TKTL1: variants seen among roughly 807,000 people sequenced by gnomAD.
The protein encoded by TKTL1 is transketolase like 1, also known as transketolase-like protein 1.
In TKTL1, 1 loss-of-function variant was observed where a neutral mutation model predicts 39.3. The ratio of observed to expected loss-of-function variants is 0.03; its 90% CI spans 0.01 to 0.12. The LOEUF (loss-of-function observed/expected upper bound fraction) is 0.12, where lower values mean the gene tolerates loss of function less well. Ranked by LOEUF, TKTL1 falls within the 10% of genes least tolerant of loss-of-function variation. The probability of loss-of-function intolerance (pLI) is 1.00; values close to 1 mark genes in which losing one functional copy is unlikely to be tolerated. For synonymous variants in TKTL1, 262 were observed against 193.8 expected, an observed-to-expected ratio of 1.35 and a Z score of -2.92; for missense variants, 575 against 509.6, an observed-to-expected ratio of 1.13 and a Z score of -1.24.
chrX:154,322,137 A>T (rs782254248), intron 8 of TKTL1, among the ~76,000 whole-genome samples: 1 of 106,133 alleles, frequency 9.4e-6, no homozygotes, highest in East Asian at 2.9e-4. Flanking sequence ...GGACGCTGAG[A>T]CAGGAGAATT....
chrX:154,317,919 A>T (rs1557169694), intron 7 of TKTL1, among the ~76,000 whole-genome samples: 1 of 110,983 alleles, frequency 9.0e-6, no homozygotes, highest in African/African-American at 3.3e-5. Context: ...GGGTTGGGGC[A>T]CCTGTTAGAT....
intron 8 of TKTL1, among the ~76,000 whole-genome samples, chrX:154,322,613 G>C (rs1431779365): frequency 9.0e-6 from 1 of 111,613 alleles, no homozygotes; most frequent in East Asian, 2.8e-4. Flanking sequence ...AGTGTGCATG[G>C]TGACAATCCC....
intron 2 of TKTL1, 32 bp from the exon 3 acceptor site, chrX:154,309,313 C>T (rs782765182): frequency 7.9e-6 from 9 of 1,140,031 alleles, no homozygotes; most frequent in Admixed American, 4.4e-5. Flanking sequence ...CCTGCAGCTG[C>T]GTCTGGGCTC....
intron 1 of TKTL1, among the ~76,000 whole-genome samples, chrX:154,296,411 G>A (rs1028804657): frequency 9.0e-6 from 1 of 111,155 alleles, no homozygotes; most frequent in Non-Finnish European, 1.9e-5. Context: ...CTGGATCCCC[G>A]AGGGTGAATG....
At position 154,329,766 on chromosome X, in the gene TKTL1, C is replaced by T. The variant is rs2067523439; in HGVS notation, c.*78C>T. The T allele has an allele frequency of 9.1e-7, 1 of 1,100,942 alleles. No homozygotes were observed. Among genetic ancestry groups the T allele is most frequent in the Admixed American group, 2.5e-5 (1 of 40,714 alleles). The allele number at this position is 1,100,942 out of a possible 1,213,427, so 90.7% of individuals were successfully genotyped here. On this transcript the variant is annotated 3_prime_UTR_variant, in exon 13 of 13. Coordinates refer to ENST00000369915, the MANE Select transcript of TKTL1 (RefSeq NM_012253.4). Reference sequence around the variant, plus strand: ...TCCAAAACCATCATTTAAATCTCTACTGTCACATTTTGTTTCTTAAAAGCA... The same window carrying T: ...TCCAAAACCATCATTTAAATCTCTATTGTCACATTTTGTTTCTTAAAAGCA...
chrX:154,320,940 G>C (rs782513476), intron 8 of TKTL1, 27 bp downstream of exon 8: 4 of 1,197,702 alleles, frequency 3.3e-6, no homozygotes, highest in Non-Finnish European at 1.1e-6. Context: ...CCATCATCTT[G>C]GTAGCCTTCC....
intron 2 of TKTL1, among the ~76,000 whole-genome samples, chrX:154,307,032 A>T (rs1302701948): frequency 9.6e-6 from 1 of 103,921 alleles, no homozygotes; most frequent in Non-Finnish European, 1.9e-5. Context: ...ACAGTGGCTC[A>T]CACCAGTGCT....
chrX:154,309,552 G>A, intron 3 of TKTL1, 110 bp downstream of exon 3: 1 of 658,113 alleles, frequency 1.5e-6, no homozygotes, highest in Non-Finnish European at 2.4e-6. Context: ...TGAAGGGCCA[G>A]TCCCCATCAC....
rs73640845 is a variant in TKTL1 at position 154,305,168 on chromosome X, C to T, written c.135-136C>T. The T allele has an allele frequency of 1.2e-5, 14 of 1,179,891 alleles. No individual in the cohort carries two copies. The East Asian group carries it at 3.6e-4, about 31-fold the overall frequency. ...AAAGCGCCCTTCCAACCTGTGAGCC[C>T]TGCATTCCTTACCCTTGGTTGGATT... On this transcript the variant is annotated intron_variant, in intron 1 of 12. Coordinates refer to ENST00000369915, the MANE Select transcript of TKTL1 (RefSeq NM_012253.4).
chrX:154,313,593 A>T (rs782349923), intron 6 of TKTL1, among the ~76,000 whole-genome samples: 14 of 111,698 alleles, frequency 1.3e-4, no homozygotes, highest in Non-Finnish European at 1.7e-4. Flanking sequence ...TGAATTTTGA[A>T]TACTTGAGAA....
rs1328888656 is a variant in TKTL1 at position 154,310,929 on chromosome X, T to C, written c.444T>C (p.Asn148=). 7 of 1,210,437 alleles carry C rather than the reference T, an allele frequency of 5.8e-6. No homozygotes were observed. The highest frequency in any genetic ancestry group is 7.8e-6 in the Non-Finnish European group (7 of 895,272). Reference sequence around the variant, plus strand: ...TTGCTTCCTACTACAGTCTGGACAATCTTGTGGCAATCTTTGATGTGAACC... The same window carrying C: ...TTGCTTCCTACTACAGTCTGGACAACCTTGTGGCAATCTTTGATGTGAACC... ...MAFASYYSLD[N]LVAIFDVNRL... The change falls in exon 4 of 13, where the codon AAT becomes AAC. Residue 148 remains asparagine, a synonymous_variant. Coordinates refer to ENST00000369915, the MANE Select transcript of TKTL1 (RefSeq NM_012253.4).
intron 7 of TKTL1, among the ~76,000 whole-genome samples, chrX:154,319,225 CAT>C (rs1332016750): frequency 6.2e-5 from 7 of 112,466 alleles, no homozygotes; most frequent in South Asian, 3.6e-4. Flanking sequence ...CAAAAAATCA[CAT>C]AGTGATCTTT....
chrX:154,316,755 T>TG (rs1189802592), intron 7 of TKTL1, among the ~76,000 whole-genome samples: 11 of 100,262 alleles, frequency 1.1e-4, no homozygotes, highest in South Asian at 6.2e-4. Flanking sequence ...TTGTGGTTTT[T>TG]GGTTTTTTTT....
intron 9 of TKTL1, among the ~76,000 whole-genome samples, chrX:154,323,865 G>A (rs782282915): frequency 2.7e-5 from 3 of 112,643 alleles, no homozygotes; most frequent in East Asian, 5.6e-4. Flanking sequence ...AAGGGCATCA[G>A]ATGGACAGAA....
At chrX:154,320,709 T>G (rs1410687562) in intron 7 of TKTL1, 48 bp from the exon 8 acceptor site, 23 of 1,175,917 alleles carry the variant, frequency 2.0e-5, no homozygotes, top group Non-Finnish European at 2.3e-5. Context: ...GAAGGGGCGG[T>G]GGGGGCAATG....
At position 154,327,440 on chromosome X, in the gene TKTL1, C is replaced by T. The variant is rs192138958; in HGVS notation, c.1402-151C>T. Reference sequence around the variant, plus strand: ...TCCTATCAAAAAGTATGTGTCCTGGCTTGTAAATGCATCTGATTTTTTTAG... The same window carrying T: ...TCCTATCAAAAAGTATGTGTCCTGGTTTGTAAATGCATCTGATTTTTTTAG... On this transcript the variant is annotated intron_variant, in intron 10 of 12. Coordinates refer to ENST00000369915, the MANE Select transcript of TKTL1 (RefSeq NM_012253.4). The T allele has an allele frequency of 6.2e-4, 361 of 583,216 alleles. No individual in the cohort carries two copies. The East Asian group carries it at 9.9e-3, about 16-fold the overall frequency. 48.1% of individuals were successfully genotyped at this position (583,216 alleles called of 1,213,427 possible). A position where few individuals can be genotyped will look rare whatever the true frequency, so the allele number is the denominator to read the frequency against.
intron 7 of TKTL1, among the ~76,000 whole-genome samples, chrX:154,316,312 C>T (rs6655280): frequency 0.028 from 3,065 of 110,975 alleles, 107 homozygotes; most frequent in African/African-American, 0.095. Context: ...CCTCGTGATC[C>T]GTCCGCCTCG....
intron 7 of TKTL1, among the ~76,000 whole-genome samples, chrX:154,318,476 G>T (rs2067420585): frequency 9.4e-6 from 1 of 106,655 alleles, no homozygotes; most frequent in African/African-American, 3.4e-5. Context: ...GAGGCGGACG[G>T]ATCACGAGGT....
At chrX:154,310,742 T>A in intron 3 of TKTL1, 94 bp from the exon 4 acceptor site, 1 of 759,568 alleles carries the variant, frequency 1.3e-6, no homozygotes, top group Non-Finnish European at 1.9e-6. Context: ...GAGCAGCAGC[T>A]CCAGTTGCGT....
Sources: allele counts gnomAD v4.1 joint callset (sites outside exome capture counted in the v4.1 genomes callset), GRCh38; gene constraint gnomAD v4.1.1; transcripts MANE v1.5; gene names NCBI Gene and HGNC (gene_info 2026-07-23, HGNC 2026-07-21).